The following PACRG variants were observed in gnomAD, a reference collection of about 807,000 sequenced individuals.
PACRG encodes the protein parkin coregulated.
In PACRG, 29 loss-of-function variants were observed where a neutral mutation model predicts 29.7. The ratio of observed to expected loss-of-function variants is 0.98; its 90% CI spans 0.73 to 1.33. PACRG has a LOEUF of 1.33. Ranked by LOEUF, PACRG falls within the 40% of genes most tolerant of loss-of-function variation. PACRG has a pLI of 0.00. For missense variants in PACRG, 279 were observed against 316.2 expected (o/e 0.88, Z 0.89); for synonymous variants, 116 against 118.7 (o/e 0.98, Z 0.15).
intron 4 of PACRG, chr6:163,245,125 A>T (rs945701135): frequency 1.6e-5 from 7 of 427,710 alleles, no homozygotes; most frequent in South Asian, 3.4e-5. Flanking sequence ...ACATTTCATC[A>T]TTTGTAATTA....
rs565140212 is a variant in PACRG, at chr6:162,826,489, G to A, written c.291+12208G>A. On this transcript the variant is annotated intron_variant, in intron 2 of 4. Coordinates refer to ENST00000366888, the MANE Select transcript of PACRG (RefSeq NM_001080379.2). ...TTCTTTTTTTTTTTTTTGAGATGGAGTTTCACTCTTGTTGCCCAGGCTGGA... is the reference window on the plus strand; with the variant it reads ...TTCTTTTTTTTTTTTTTGAGATGGAATTTCACTCTTGTTGCCCAGGCTGGA... 1.3e-4 allele frequency among the ~76,000 whole-genome samples: 19 copies of A among 146,410 alleles called. No homozygotes were observed. The South Asian group carries it at 4.1e-3, about 31-fold the overall frequency.
intron 4 of PACRG, among the ~76,000 whole-genome samples, chr6:163,246,558 T>A (rs1299020226): frequency 3.3e-5 from 5 of 152,198 alleles, no homozygotes; most frequent in African/African-American, 9.7e-5. Context: ...CCTGTAAGAT[T>A]CCACCAACTA....
chr6:162,867,485 A>G (rs1015761661), intron 2 of PACRG, among the ~76,000 whole-genome samples: 3 of 151,986 alleles, frequency 2.0e-5, no homozygotes, highest in African/African-American at 7.2e-5. Flanking sequence ...CTTCTCCTCC[A>G]GGGTCCCTAC....
At chr6:162,940,000 A>G (rs1798505192) in intron 2 of PACRG, among the ~76,000 whole-genome samples, 1 of 152,208 alleles carries the variant, frequency 6.6e-6, no homozygotes, top group Non-Finnish European at 1.5e-5. Flanking sequence ...AGCCAAACCC[A>G]TTATTTAAGT....
chr6:162,931,116 CA>C (rs1222558310), intron 2 of PACRG, among the ~76,000 whole-genome samples: 2 of 151,568 alleles, frequency 1.3e-5, no homozygotes, highest in South Asian at 4.1e-4. Flanking sequence ...CTTTCTTCTA[CA>C]AAAAATTTTT....
intron 4 of PACRG, among the ~76,000 whole-genome samples, chr6:163,247,204 G>C (rs530566640): frequency 6.6e-6 from 1 of 152,162 alleles, no homozygotes; most frequent in Non-Finnish European, 1.5e-5. Context: ...ATTAAAGGGA[G>C]TTTCATAATT....
chr6:163,043,799 C>T (rs893242646), intron 2 of PACRG, among the ~76,000 whole-genome samples: 1 of 152,106 alleles, frequency 6.6e-6, no homozygotes, highest in Non-Finnish European at 1.5e-5. Context: ...TGGACATTGT[C>T]GGAATCAGAG....
intron 1 of PACRG, among the ~76,000 whole-genome samples, chr6:162,731,270 G>A (rs1191569414): frequency 1.3e-5 from 2 of 152,126 alleles, no homozygotes; most frequent in South Asian, 2.1e-4. Context: ...CAGAACTGGC[G>A]TGACCATCAG....
chr6:163,127,069 C>T (rs944955099), intron 4 of PACRG, among the ~76,000 whole-genome samples: 2 of 152,178 alleles, frequency 1.3e-5, no homozygotes, highest in Non-Finnish European at 2.9e-5. Context: ...GACTTTAGCC[C>T]TAATAGTGCC....
At chr6:162,976,094 T>C (rs984456669) in intron 2 of PACRG, among the ~76,000 whole-genome samples, 5 of 152,080 alleles carry the variant, frequency 3.3e-5, no homozygotes, top group African/African-American at 1.2e-4. Context: ...ATAAAGTGTA[T>C]GTTTGAGAAA....
At chr6:162,874,932 C>T (rs1043237738) in intron 2 of PACRG, among the ~76,000 whole-genome samples, 3 of 152,226 alleles carry the variant, frequency 2.0e-5, no homozygotes, top group Non-Finnish European at 2.9e-5. Context: ...TATACACACA[C>T]ACATACACTC....
At chr6:162,845,336 C>T (rs896086744) in intron 2 of PACRG, among the ~76,000 whole-genome samples, 1 of 151,994 alleles carries the variant, frequency 6.6e-6, no homozygotes, top group African/African-American at 2.4e-5. Flanking sequence ...GCAAGAATCC[C>T]CCAGGCTTGC....
intron 2 of PACRG, among the ~76,000 whole-genome samples, chr6:162,862,585 G>A (rs1791955500): frequency 6.6e-6 from 1 of 152,172 alleles, no homozygotes; most frequent in Non-Finnish European, 1.5e-5. Flanking sequence ...TAAACTGGGA[G>A]TATCCACATA....
intron 1 of PACRG, among the ~76,000 whole-genome samples, chr6:162,764,283 G>C (rs1286984285): frequency 1.3e-5 from 2 of 151,924 alleles, no homozygotes; most frequent in Non-Finnish European, 2.9e-5. Flanking sequence ...ACAAAAAAAG[G>C]GGGGAGGGGG....
At chr6:162,947,613 T>TATATATATATATATATATATATAATC (rs1799288977) in intron 2 of PACRG, among the ~76,000 whole-genome samples, 1 of 14,914 alleles carries the variant, frequency 6.7e-5, no homozygotes, top group African/African-American at 2.1e-4. Context: ...TATATAATCA[T>TATATATATATATATATATATATAATC]ATATATATAT....
At chr6:162,773,601 G>A (rs1407290301) in intron 1 of PACRG, among the ~76,000 whole-genome samples, 6 of 131,658 alleles carry the variant, frequency 4.6e-5, no homozygotes, top group East Asian at 2.6e-4. Context: ...TGCAAGCTCC[G>A]CTTCCCGGGT....
chr6:162,869,480 G>A (rs930821973), intron 2 of PACRG, among the ~76,000 whole-genome samples: 3 of 152,116 alleles, frequency 2.0e-5, no homozygotes, highest in Non-Finnish European at 4.4e-5. Context: ...GAAAAAAAGC[G>A]TGATTTTTGT....
intron 2 of PACRG, among the ~76,000 whole-genome samples, chr6:162,946,867 G>A (rs1229605364): frequency 6.6e-6 from 1 of 152,032 alleles, no homozygotes; most frequent in African/African-American, 2.4e-5. Context: ...CAGAGTGAAG[G>A]ACAAAAACCA....
rs184769477 is a variant in PACRG at position 163,247,305 on chromosome 6, G to T, written c.614-67522G>T. Among the ~76,000 whole-genome samples, 86 of 152,282 alleles carry T rather than the reference G, an allele frequency of 5.6e-4. 1 individual carries two copies. The Middle Eastern group carries it at 0.014, about 24-fold the overall frequency. On this transcript the variant is annotated intron_variant, in intron 4 of 4. Coordinates refer to ENST00000366888, the MANE Select transcript of PACRG (RefSeq NM_001080379.2). ...GAAACCCTCAATCTGCCACAGGCCT[G>T]CCACAGCCCTGGAGGAGCGCTCCTT...
Sources: allele counts gnomAD v4.1 joint callset (sites outside exome capture counted in the v4.1 genomes callset), GRCh38; gene constraint gnomAD v4.1.1; transcripts MANE v1.5; gene names NCBI Gene and HGNC (gene_info 2026-07-23, HGNC 2026-07-21).